The following INTS4 variants were observed in gnomAD, a reference collection of about 807,000 sequenced individuals.
INTS4 encodes the protein MSTP093.
A neutral mutation model predicts 119.5 loss-of-function variants in INTS4; 70 were observed. The ratio of observed to expected loss-of-function variants is 0.59; its 90% CI spans 0.48 to 0.71. The LOEUF (loss-of-function observed/expected upper bound fraction) is 0.71, where lower values mean the gene tolerates loss of function less well. Among genes scored for constraint, INTS4 ranks in the 30% least tolerant of loss-of-function variants. The pLI is 0.00. For synonymous variants in INTS4, 316 were observed against 419.6 expected (o/e 0.75, Z 3.02); for missense variants, 867 against 1,173.2 (o/e 0.74, Z 3.81).
At chr11:77,977,296 A>G (rs1855991151) in intron 4 of INTS4, among the ~76,000 whole-genome samples, 1 of 152,110 alleles carries the variant, frequency 6.6e-6, no homozygotes, top group South Asian at 2.1e-4. Flanking sequence ...AGTTAGGTAA[A>G]AAGTATGGTT....
intron 5 of INTS4, 45 bp downstream of exon 5, chr11:77,960,908 C>T (rs757521778): frequency 2.6e-6 from 4 of 1,546,114 alleles, no homozygotes; most frequent in Non-Finnish European, 3.5e-6. Context: ...ACTTAAAAAA[C>T]AAAAATGAAC....
At chr11:77,926,529 C>T (rs1357082013) in intron 11 of INTS4, among the ~76,000 whole-genome samples, 7 of 152,032 alleles carry the variant, frequency 4.6e-5, no homozygotes. Flanking sequence ...AAGAGTCAGC[C>T]GGGCACGGTG....
At chr11:77,879,289 C>A (rs1951700760) in intron 22 of INTS4, among the ~76,000 whole-genome samples, 162 bp from the exon 23 acceptor site, 1 of 152,246 alleles carries the variant, frequency 6.6e-6, no homozygotes, top group African/African-American at 2.4e-5. Flanking sequence ...ACTGAGCCTG[C>A]AGATGTGATG....
intron 8 of INTS4, among the ~76,000 whole-genome samples, chr11:77,954,049 T>C (rs1295135977): frequency 6.6e-6 from 1 of 152,196 alleles, no homozygotes; most frequent in Non-Finnish European, 1.5e-5. Flanking sequence ...CTTGACCTCG[T>C]GATCCGCCCG....
At chr11:77,981,249 T>C (rs1257665487) in intron 3 of INTS4, among the ~76,000 whole-genome samples, 1 of 136,784 alleles carries the variant, frequency 7.3e-6, no homozygotes, top group Non-Finnish European at 1.6e-5. Context: ...CTACCTCAAA[T>C]ATATGGTAGG....
intron 4 of INTS4, among the ~76,000 whole-genome samples, chr11:77,972,978 C>A (rs886989920): frequency 4.6e-5 from 7 of 151,764 alleles, no homozygotes; most frequent in Admixed American, 1.3e-4. Context: ...ATAGCGGAGA[C>A]AACAGGCAAG....
intron 6 of INTS4, among the ~76,000 whole-genome samples, chr11:77,960,040 G>T (rs913626221): frequency 1.3e-5 from 2 of 152,078 alleles, no homozygotes; most frequent in Admixed American, 6.6e-5. Flanking sequence ...ACAGTGATCA[G>T]AAAGACTAAC....
Position 77,895,106 on chromosome 11 carries a change from G to C in INTS4, c.2229-757C>G, listed in dbSNP as rs553402814. On this transcript the variant is annotated intron_variant, in intron 18 of 22. Transcript: ENST00000534064. ...TGAATTACTTGGCCTCACAGTACTT[G>C]AGAACATTTCATTTCACTAAAAAGT... is the stretch of plus-strand genomic sequence containing the variant. Among the ~76,000 whole-genome samples the C allele has an allele frequency of 6.6e-5, 10 of 151,066 alleles. No individual in the cohort carries two copies. The South Asian group carries it at 2.1e-3, about 32-fold the overall frequency.
At chr11:77,975,005 A>G (rs1197863761) in intron 4 of INTS4, among the ~76,000 whole-genome samples, 1 of 152,136 alleles carries the variant, frequency 6.6e-6, no homozygotes, top group Non-Finnish European at 1.5e-5. Context: ...CAATATAACT[A>G]AAGGTTTGTC....
rs11370501 is a variant in INTS4 at position 77,961,143 on chromosome 11, T to TAA, written c.472-7_472-6dup. On this transcript the variant is annotated splice_region_variant and splice_polypyrimidine_tract_variant and intron_variant, in intron 4 of 22. Transcript: ENST00000534064. ...ATGAGACGTATCTGTCAGATGCTATTAAAAAAAAAAAAAAAAAGAAAAAAA... is the reference window on the plus strand; with the variant it reads ...ATGAGACGTATCTGTCAGATGCTATTAAAAAAAAAAAAAAAAAAAGAAAAAAA... 182,146 of 1,184,200 alleles carry TAA rather than the reference T, an allele frequency of 0.15. 2,194 individuals carry two copies. The highest frequency in any genetic ancestry group is 0.16 in the Non-Finnish European group (150,063 of 940,230). The allele number at this position is 1,184,200 out of a possible 1,614,324, so 73.4% of individuals were successfully genotyped here.
At chr11:77,921,060 A>G (rs1455760997) in intron 14 of INTS4, among the ~76,000 whole-genome samples, 1 of 152,134 alleles carries the variant, frequency 6.6e-6, no homozygotes, top group Non-Finnish European at 1.5e-5. Flanking sequence ...AGAGAGAAAG[A>G]GAATGAACAA....
At chr11:77,898,337 T>C (rs1306090040) in intron 18 of INTS4, among the ~76,000 whole-genome samples, 3 of 152,146 alleles carry the variant, frequency 2.0e-5, no homozygotes, top group Non-Finnish European at 2.9e-5. Flanking sequence ...TAATTTTTTG[T>C]ATTTTTAGTA....
intron 1 of INTS4, among the ~76,000 whole-genome samples, chr11:77,992,882 C>T (rs538179882): frequency 1.1e-4 from 16 of 152,152 alleles, no homozygotes; most frequent in South Asian, 4.1e-4. Flanking sequence ...ATCTTTTCAG[C>T]GGAGAAAAAA....
intron 1 of INTS4, among the ~76,000 whole-genome samples, chr11:77,991,948 C>T (rs560909449): frequency 9.2e-4 from 140 of 152,120 alleles, no homozygotes; most frequent in African/African-American, 3.3e-3. Context: ...TCCCTGACTC[C>T]CAACTAGCTG....
chr11:77,875,935 C>T (rs570185910), downstream of INTS4, among the ~76,000 whole-genome samples: 17 of 152,180 alleles, frequency 1.1e-4, no homozygotes, highest in African/African-American at 2.9e-4. Flanking sequence ...AGGCTGGAAA[C>T]GAAGCAGAGC....
intron 17 of INTS4, among the ~76,000 whole-genome samples, chr11:77,902,067 C>T (rs1952794109): frequency 6.6e-6 from 1 of 152,192 alleles, no homozygotes; most frequent in South Asian, 2.1e-4. Flanking sequence ...CGATCTTGCT[C>T]GGTTCTATCC....
intron 3 of INTS4, 132 bp from the exon 4 acceptor site, chr11:77,979,234 G>A (rs939675426): frequency 5.6e-6 from 3 of 535,948 alleles, no homozygotes; most frequent in Non-Finnish European, 1.1e-5. Context: ...ACTTTGAGAA[G>A]CCTAGGCAGG....
At chr11:77,922,608 C>T in intron 12 of INTS4, 137 bp from the exon 13 acceptor site, 2 of 842,844 alleles carry the variant, frequency 2.4e-6, no homozygotes, top group Non-Finnish European at 1.8e-6. Flanking sequence ...TCTATGACTT[C>T]AGATAAGTCA....
chr11:77,967,998 T>A (rs928867424), intron 4 of INTS4, among the ~76,000 whole-genome samples: 2 of 152,216 alleles, frequency 1.3e-5, no homozygotes, highest in Non-Finnish European at 2.9e-5. Flanking sequence ...CTAGACTACA[T>A]GATATAGCCT....
Sources: allele counts gnomAD v4.1 joint callset (sites outside exome capture counted in the v4.1 genomes callset), GRCh38; gene constraint gnomAD v4.1.1; transcripts MANE v1.5; gene names NCBI Gene and HGNC (gene_info 2026-07-23, HGNC 2026-07-21).